The following MAGI2 variants were observed in gnomAD, a reference collection of about 807,000 sequenced individuals.
The protein encoded by MAGI2 is membrane-associated guanylate kinase, WW and PDZ domain-containing protein 2.
MAGI2 carries 35 observed loss-of-function variants against 133.3 expected under a neutral mutation model. The observed-to-expected ratio is 0.26, with a 90% CI of 0.20 to 0.35. MAGI2 has a LOEUF of 0.35. Ranked by LOEUF, MAGI2 falls within the 10% of genes least tolerant of loss-of-function variation. The pLI is 1.00. For missense variants in MAGI2, 1,636 were observed against 1,863.4 expected, an observed-to-expected ratio of 0.88 and a Z score of 2.25; for synonymous variants, 729 against 710.6, an observed-to-expected ratio of 1.03 and a Z score of -0.41.
At chr7:78,571,760 T>A (rs951990851) in intron 3 of MAGI2, among the ~76,000 whole-genome samples, 2 of 151,300 alleles carry the variant, frequency 1.3e-5, no homozygotes, top group African/African-American at 4.9e-5. Flanking sequence ...GAGAAAGCAA[T>A]GATAATTGTT....
rs549118437 is a variant in MAGI2 at position 78,699,385 on chromosome 7, G to C, written c.419-72146C>G. ...CAAAGTGCTGGGATTACTAGTGTGA[G>C]CCACCACATCTGTCCACAAACTTTG... On this transcript the variant is annotated intron_variant, in intron 2 of 21. Transcript: ENST00000354212. 7.2e-5 allele frequency among the ~76,000 whole-genome samples: 11 copies of C among 152,258 alleles called. No individual in the cohort carries two copies. In the South Asian group the frequency reaches 2.3e-3, roughly 32 times the overall value.
intron 1 of MAGI2, among the ~76,000 whole-genome samples, chr7:79,360,161 C>T (rs2129121668): frequency 6.6e-6 from 1 of 152,242 alleles, no homozygotes; most frequent in East Asian, 1.9e-4. Flanking sequence ...TCAAGAATCA[C>T]TATATTTTGT....
intron 2 of MAGI2, among the ~76,000 whole-genome samples, chr7:78,812,278 A>T (rs1408286317): frequency 2.0e-5 from 3 of 152,232 alleles, no homozygotes; most frequent in African/African-American, 7.2e-5. Flanking sequence ...AGCAGCAGTA[A>T]AAAACTAATA....
At chr7:79,146,397 TG>T (rs1822627407) in intron 1 of MAGI2, among the ~76,000 whole-genome samples, 1 of 152,214 alleles carries the variant, frequency 6.6e-6, no homozygotes, top group African/African-American at 2.4e-5. Context: ...TGGACATTTT[TG>T]GTTTCCTACT....
At chr7:78,565,700 AT>A in intron 3 of MAGI2, among the ~76,000 whole-genome samples, 1 of 152,206 alleles carries the variant, frequency 6.6e-6, no homozygotes, top group Admixed American at 6.5e-5. Context: ...AATTTTCTCC[AT>A]TTTTCAGCTC....
At chr7:78,446,553 T>C (rs1788160899) in intron 6 of MAGI2, among the ~76,000 whole-genome samples, 1 of 152,070 alleles carries the variant, frequency 6.6e-6, no homozygotes, top group Non-Finnish European at 1.5e-5. Flanking sequence ...CTTTTGGTTG[T>C]CTTCATAAAG....
At chr7:78,440,584 T>C (rs1165854824) in intron 6 of MAGI2, among the ~76,000 whole-genome samples, 1 of 151,924 alleles carries the variant, frequency 6.6e-6, no homozygotes, top group Non-Finnish European at 1.5e-5. Flanking sequence ...AACAAACAAA[T>C]ACATAAAAAC....
At chr7:79,141,970 G>T (rs765552169) in intron 1 of MAGI2, among the ~76,000 whole-genome samples, 1 of 151,930 alleles carries the variant, frequency 6.6e-6, no homozygotes, top group Non-Finnish European at 1.5e-5. Context: ...ATATTATCTC[G>T]ATGGAAGAAT....
intron 4 of MAGI2, chr7:78,518,676 T>C (rs901677234): frequency 1.3e-5 from 2 of 152,232 alleles, no homozygotes; most frequent in Admixed American, 1.3e-4. Flanking sequence ...TAATTATTAC[T>C]ATAGTTAGTT....
rs567276309 is a variant in MAGI2, at chr7:78,245,633, C to A, written c.2047+10310G>T. ...CCCTGGCCTCCACCACCTCACCTCCCAGCTGGGCTCAGCTCAGAACCAGGA... is the reference window on the plus strand; with the variant it reads ...CCCTGGCCTCCACCACCTCACCTCCAAGCTGGGCTCAGCTCAGAACCAGGA... On this transcript the variant is annotated intron_variant, in intron 10 of 21. Coordinates refer to ENST00000354212, the MANE Select transcript of MAGI2 (RefSeq NM_012301.4). 3.3e-5 allele frequency among the ~76,000 whole-genome samples: 5 copies of A among 152,136 alleles called. No homozygotes were observed. The South Asian group carries it at 1.0e-3, about 31-fold the overall frequency.
At chr7:78,980,631 T>C (rs1804698281) in intron 2 of MAGI2, among the ~76,000 whole-genome samples, 1 of 151,922 alleles carries the variant, frequency 6.6e-6, no homozygotes, top group Admixed American at 6.6e-5. Flanking sequence ...TAGCCATTAT[T>C]ATTGTTGTTA....
At chr7:78,424,902 ACTTGT>A (rs1353808399) in intron 6 of MAGI2, among the ~76,000 whole-genome samples, 2 of 152,110 alleles carry the variant, frequency 1.3e-5, no homozygotes, top group African/African-American at 2.4e-5. Flanking sequence ...GACAGAAGGG[ACTTGT>A]CTTGTTTAAG....
chr7:78,515,579 G>C (rs1260788641), intron 4 of MAGI2, among the ~76,000 whole-genome samples: 5 of 152,072 alleles, frequency 3.3e-5, no homozygotes, highest in African/African-American at 1.2e-4. Flanking sequence ...TATGCTAATC[G>C]CTGAACAGGC....
chr7:78,906,832 A>G (rs1798027256), intron 2 of MAGI2, among the ~76,000 whole-genome samples: 1 of 152,162 alleles, frequency 6.6e-6, no homozygotes, highest in Non-Finnish European at 1.5e-5. Flanking sequence ...GTGTATGCAC[A>G]CATATATGAA....
intron 1 of MAGI2, among the ~76,000 whole-genome samples, chr7:79,159,870 G>A (rs1401668091): frequency 1.3e-5 from 2 of 151,982 alleles, no homozygotes; most frequent in Non-Finnish European, 2.9e-5. Context: ...TTTTGGACAT[G>A]TCTTTTTATT....
intron 1 of MAGI2, among the ~76,000 whole-genome samples, chr7:79,171,934 C>T (rs1050694500): frequency 1.3e-5 from 2 of 151,266 alleles, no homozygotes; most frequent in Admixed American, 6.6e-5. Flanking sequence ...GGTCACTGTG[C>T]CCTGTGATCT....
At chr7:79,444,414 C>G (rs1586007075) in intron 1 of MAGI2, among the ~76,000 whole-genome samples, 2 of 152,248 alleles carry the variant, frequency 1.3e-5, no homozygotes, top group Admixed American at 6.5e-5. Flanking sequence ...TCAGAAAACC[C>G]CATCATCTCA....
intron 1 of MAGI2, among the ~76,000 whole-genome samples, chr7:79,241,939 C>T (rs1361872040): frequency 6.6e-6 from 1 of 152,116 alleles, no homozygotes; most frequent in African/African-American, 2.4e-5. Context: ...TTTAATTCCC[C>T]AACGAATCAG....
chr7:78,841,448 T>A (rs916858513), intron 2 of MAGI2, among the ~76,000 whole-genome samples: 4 of 152,028 alleles, frequency 2.6e-5, no homozygotes, highest in African/African-American at 9.7e-5. Flanking sequence ...ATCTTGCCTC[T>A]ATTTTCCCTC....
Sources: allele counts gnomAD v4.1 joint callset (sites outside exome capture counted in the v4.1 genomes callset), GRCh38; gene constraint gnomAD v4.1.1; transcripts MANE v1.5; gene names NCBI Gene and HGNC (gene_info 2026-07-23, HGNC 2026-07-21).